The following RASGRP3 variants were observed in gnomAD, a reference collection of about 807,000 sequenced individuals.
RASGRP3 encodes the protein ras guanyl-releasing protein 3.
In RASGRP3, 54 loss-of-function variants were observed where a neutral mutation model predicts 82.7. The ratio of observed to expected loss-of-function variants is 0.65; its 90% CI spans 0.52 to 0.82. The LOEUF (loss-of-function observed/expected upper bound fraction) is 0.82, where lower values mean the gene tolerates loss of function less well. RASGRP3 is among the 40% of genes least tolerant of loss of function. RASGRP3 has a pLI of 0.00. For missense variants in RASGRP3, 861 were observed against 828.9 expected, an observed-to-expected ratio of 1.04 and a Z score of -0.48; for synonymous variants, 309 against 300.5, an observed-to-expected ratio of 1.03 and a Z score of -0.29.
chr2:33,558,685 G>A lies in RASGRP3; in HGVS notation c.1719G>A (p.Val573=). The stretch of plus-strand genomic sequence containing the variant: ...TTTCACTTCCAGCGCAGGATGAGGT[G>A]TTTGAGTTCCCTGGAGTCACTGCTG... The part of the protein sequence containing the change: ...SPSLPPAQDE[V]FEFPGVTAGH... Residue 573 remains valine (V), a synonymous_variant, in exon 17 of 18, where the codon GTG becomes GTA. Transcript: ENST00000403687. 1 of 1,601,766 alleles carries A rather than the reference G, an allele frequency of 6.2e-7. No homozygotes were observed. Among genetic ancestry groups the A allele is most frequent in the Non-Finnish European group, 8.5e-7 (1 of 1,174,620 alleles).
intron 1 of RASGRP3, among the ~76,000 whole-genome samples, chr2:33,480,816 A>G (rs1205586088): frequency 1.3e-5 from 2 of 151,982 alleles, no homozygotes; most frequent in African/African-American, 4.8e-5. Context: ...GCTCTATGGG[A>G]TTTGAAGTCT....
At chr2:33,442,318 C>G (rs932893732) in intron 1 of RASGRP3, among the ~76,000 whole-genome samples, 14 of 152,170 alleles carry the variant, frequency 9.2e-5, no homozygotes, top group Admixed American at 2.0e-4. Flanking sequence ...GAGCCAAGAT[C>G]GCGCCGCTGC....
intron 1 of RASGRP3, among the ~76,000 whole-genome samples, chr2:33,487,431 C>G (rs982202831): frequency 5.3e-5 from 8 of 152,154 alleles, no homozygotes; most frequent in Middle Eastern, 3.4e-3. Flanking sequence ...GTTGATAGTT[C>G]TTGAGATTAA....
upstream of RASGRP3, chr2:33,476,457 C>T (rs1026757698): frequency 6.6e-6 from 1 of 152,170 alleles, no homozygotes; most frequent in African/African-American, 2.4e-5. Flanking sequence ...TGGAATATCC[C>T]GCTCTGCATG....
rs149838668 is a variant in RASGRP3, at chr2:33,496,936, G to A, written c.-260-14774G>A. Among the ~76,000 whole-genome samples, 140 of 152,222 alleles carry A rather than the reference G, an allele frequency of 9.2e-4. 1 individual carries two copies. The East Asian group carries it at 0.017, about 19-fold the overall frequency. ...TGCTTTAGATGCATGAAAGCAATAC[G>A]TTTTGGGTCTTGAGTATTTCTTGAC... is the stretch of plus-strand genomic sequence containing the variant. On this transcript the variant is annotated intron_variant, in intron 1 of 17. Transcript: ENST00000403687.
At chr2:33,476,087 C>A (rs766209947), upstream of RASGRP3, 1 of 152,258 alleles carries the variant, frequency 6.6e-6, no homozygotes, top group African/African-American at 2.4e-5. Flanking sequence ...CCTTTGAAGT[C>A]CAACCTAAGC....
chr2:33,523,464 A>T (rs1483683826), intron 7 of RASGRP3, among the ~76,000 whole-genome samples: 1 of 68,422 alleles, frequency 1.5e-5, no homozygotes. Context: ...AGTCGGTTAA[A>T]AAAAAAAAAA....
intron 12 of RASGRP3, 104 bp downstream of exon 12, chr2:33,539,314 C>A: frequency 1.1e-6 from 1 of 929,300 alleles, no homozygotes; most frequent in Non-Finnish European, 1.7e-6. Flanking sequence ...TGAAAACAAC[C>A]CTCTGGCAGG....
intron 15 of RASGRP3, 90 bp downstream of exon 15, chr2:33,555,657 C>T (rs1675870290): frequency 1.7e-6 from 2 of 1,156,584 alleles, no homozygotes. Context: ...AAGCTCTTGC[C>T]ATTATTCGGA....
chr2:33,497,145 T>A (rs191716735), intron 1 of RASGRP3, among the ~76,000 whole-genome samples: 1 of 152,238 alleles, frequency 6.6e-6, no homozygotes. Flanking sequence ...TTGCATTTAG[T>A]AGTAAAGAAG....
chr2:33,555,588 T>C, intron 15 of RASGRP3, 21 bp downstream of exon 15: 1 of 1,553,092 alleles, frequency 6.4e-7, no homozygotes, highest in Non-Finnish European at 8.8e-7. Context: ...GTTATTTTGT[T>C]ACAATTTTTA....
chr2:33,523,291 A>G (rs1672202714), intron 7 of RASGRP3, among the ~76,000 whole-genome samples: 1 of 151,942 alleles, frequency 6.6e-6, no homozygotes, highest in African/African-American at 2.4e-5. Flanking sequence ...GTGAAACCCC[A>G]TCTCTACTAA....
intron 7 of RASGRP3, among the ~76,000 whole-genome samples, chr2:33,522,369 A>G (rs1393148169): frequency 6.6e-6 from 1 of 152,180 alleles, no homozygotes; most frequent in East Asian, 1.9e-4. Context: ...CAGTCAGTGG[A>G]GATTTAACCA....
chr2:33,559,475 C>T (rs1256302744), intron 17 of RASGRP3, among the ~76,000 whole-genome samples: 1 of 152,108 alleles, frequency 6.6e-6, no homozygotes, highest in Non-Finnish European at 1.5e-5. Context: ...AAGCTTTTGA[C>T]AGCATCATGG....
At chr2:33,538,243 C>T (rs1464952834) in intron 11 of RASGRP3, among the ~76,000 whole-genome samples, 1 of 152,148 alleles carries the variant, frequency 6.6e-6, no homozygotes, top group African/African-American at 2.4e-5. Flanking sequence ...TGACTCACAC[C>T]TGTAATCCCA....
chr2:33,530,697 T>A (rs928014545), intron 10 of RASGRP3, among the ~76,000 whole-genome samples: 1 of 152,164 alleles, frequency 6.6e-6, no homozygotes, highest in African/African-American at 2.4e-5. Context: ...CTCTTCATGA[T>A]GTGCAGTAAA....
At chr2:33,539,038 CAAAAT>C (rs1248721354) in intron 11 of RASGRP3, 51 bp from the exon 12 acceptor site, 1 of 1,281,992 alleles carries the variant, frequency 7.8e-7, no homozygotes, top group Non-Finnish European at 1.1e-6. Context: ...GACCCTGTCT[CAAAAT>C]AATAATAATA....
intron 2 of RASGRP3, among the ~76,000 whole-genome samples, chr2:33,458,737 G>C (rs1666182357): frequency 6.6e-6 from 1 of 152,200 alleles, no homozygotes; most frequent in Non-Finnish European, 1.5e-5. Context: ...CAGCACCATT[G>C]CATGCTGTGA....
intron 2 of RASGRP3, among the ~76,000 whole-genome samples, chr2:33,457,474 A>G (rs1574241335): frequency 5.9e-5 from 9 of 152,132 alleles, no homozygotes; most frequent in Admixed American, 3.3e-4. Context: ...CCATCTTTCC[A>G]TTACATCTTT....
Sources: gnomAD v4.1 joint callset for allele counts (sites outside exome capture counted in the v4.1 genomes callset) on GRCh38, gnomAD v4.1.1 for gene constraint, MANE v1.5 for transcripts, NCBI Gene and HGNC (gene_info 2026-07-23, HGNC 2026-07-21) for gene names.